Variants in PIM1 observed in about 807,000 individuals in gnomAD.
PIM1 encodes the protein serine/threonine-protein kinase pim-1.
Under a neutral mutation model 34.5 loss-of-function variants are expected in PIM1, and 9 were observed. The ratio of observed to expected loss-of-function variants is 0.26; its 90% CI spans 0.16 to 0.46. The LOEUF (loss-of-function observed/expected upper bound fraction) is 0.46. Ranked by LOEUF, PIM1 falls within the 20% of genes least tolerant of loss-of-function variation. The probability of loss-of-function intolerance (pLI) is 1.00; values close to 1 mark genes in which losing one functional copy is unlikely to be tolerated. For synonymous variants in PIM1, 199 were observed against 175.2 expected, an observed-to-expected ratio of 1.14 and a Z score of -1.07; for missense variants, 274 against 410.9, an observed-to-expected ratio of 0.67 and a Z score of 2.88.
Position 37,173,054 on chromosome 6 carries a change from G to C in PIM1, c.666G>C (p.Ser222=). 1 of 1,614,186 alleles carries C rather than the reference G, an allele frequency of 6.2e-7. No homozygotes were observed. Among genetic ancestry groups the C allele is most frequent in the South Asian group, 1.1e-5 (1 of 91,092 alleles). ...WIRYHRYHGR[S]AAVWSLGILL... is the part of the protein sequence containing the mutation. ...GCTACCATCGCTACCATGGCAGGTC[G>C]GCGGCAGTCTGGTCCCTGGGGATCC... The change falls in exon 5 of 6, where the codon TCG becomes TCC. Residue 222 remains serine (S), a synonymous_variant. Transcript: ENST00000373509.
Position 37,171,204 on chromosome 6 carries a change from T to C in PIM1, c.320T>C (p.Leu107Pro). ...SSGFSGVIRL[L>P]DWFERPDSFV... is the part of the protein sequence containing the mutation. ...GGTTTCTCCGGCGTCATTAGGCTCCTGGACTGGTTCGAGAGGCCCGACAGT... is the reference window on the plus strand; with the variant it reads ...GGTTTCTCCGGCGTCATTAGGCTCCCGGACTGGTTCGAGAGGCCCGACAGT... The change falls in exon 4 of 6, where the codon CTG becomes CCG. Residue 107 changes from leucine (L) to proline (P), a missense_variant. Physicochemically the swap from Leu to Pro is moderately conservative, Grantham distance 98. Transcript: ENST00000373509. 6.2e-7 allele frequency: 1 copy of C among 1,614,146 alleles called. No homozygotes were observed. Among genetic ancestry groups the C allele is most frequent in the Non-Finnish European group, 8.5e-7 (1 of 1,180,040 alleles).
chr6:37,170,180 C>G lies in PIM1; in HGVS notation c.-396C>G. 9.3e-7 allele frequency: 1 copy of G among 1,077,992 alleles called. No individual in the cohort carries two copies. Among genetic ancestry groups the G allele is most frequent in the Non-Finnish European group, 1.2e-6 (1 of 862,718 alleles). 66.8% of individuals were successfully genotyped at this position (1,077,992 alleles called of 1,614,324 possible). On this transcript the variant is annotated 5_prime_UTR_variant, in exon 1 of 6. Transcript: ENST00000373509. Reference sequence around the variant, plus strand: ...CCTGGCTGCGGGGCGAGCCGGGCGTCTGCTGCAGCGGCCGCGGTGGCTGAG... The same window carrying G: ...CCTGGCTGCGGGGCGAGCCGGGCGTGTGCTGCAGCGGCCGCGGTGGCTGAG...
Position 37,174,011 on chromosome 6 carries a change from C to T in PIM1, c.862C>T (p.Pro288Ser), listed in dbSNP as rs750431197. The T allele has an allele frequency of 6.2e-7, 1 of 1,614,118 alleles. No individual in the cohort carries two copies. Among genetic ancestry groups the T allele is most frequent in the South Asian group, 1.1e-5 (1 of 91,082 alleles). Residue 288 changes from proline (P) to serine (S), a missense_variant, in exon 6 of 6, where the codon CCA becomes TCA. Pro to Ser is a moderately conservative substitution (Grantham distance 74). This residue lies in a region of PIM1 where 168 missense variants were observed against 299.4 expected (regional missense o/e 0.56). Coordinates refer to ENST00000373509, the MANE Select transcript of PIM1 (RefSeq NM_002648.4). ...RPTFEEIQNH[P>S]WMQDVLLPQE... ...AACCTTCGAAGAAATCCAGAACCATCCATGGATGCAAGATGTTCTCCTGCC... is the reference window on the plus strand; with the variant it reads ...AACCTTCGAAGAAATCCAGAACCATTCATGGATGCAAGATGTTCTCCTGCC...
chr6:37,174,440 G>T lies in PIM1; in HGVS notation c.*349G>T. The stretch of plus-strand genomic sequence containing the variant: ...TCCTTCATCATGAGTTCTGCTGAAT[G>T]CCGCGATGGGTCAGGTAGGGGGGAA... On this transcript the variant is annotated 3_prime_UTR_variant, in exon 6 of 6. Transcript: ENST00000373509. 1 of 270,874 alleles carries T rather than the reference G, an allele frequency of 3.7e-6. No homozygotes were observed. The allele number at this position is 270,874 out of a possible 1,614,324, so 16.8% of individuals were successfully genotyped here.
chr6:37,171,619 G>A, intron 4 of PIM1, 128 bp downstream of exon 4: 1 of 1,165,938 alleles, frequency 8.6e-7, no homozygotes, highest in Non-Finnish European at 1.2e-6. Flanking sequence ...GATGCTAGCC[G>A]GGGTGGGACG....
chr6:37,172,460 A>C, intron 4 of PIM1: 1 of 393,116 alleles, frequency 2.5e-6, no homozygotes, highest in African/African-American at 2.1e-5. Context: ...CTACCTTTCC[A>C]GTCTAGGGAG....
At position 37,170,195 on chromosome 6, in the gene PIM1, C is replaced by T. The variant is rs1210295333; in HGVS notation, c.-381C>T. Reference sequence around the variant, plus strand: ...AGCCGGGCGTCTGCTGCAGCGGCCGCGGTGGCTGAGGAGGCCCGAGAGGAG... The same window carrying T: ...AGCCGGGCGTCTGCTGCAGCGGCCGTGGTGGCTGAGGAGGCCCGAGAGGAG... On this transcript the variant is annotated 5_prime_UTR_variant, in exon 1 of 6. Transcript: ENST00000373509. The T allele has an allele frequency of 1.2e-5, 14 of 1,152,188 alleles. No individual in the cohort carries two copies. Among genetic ancestry groups the T allele is most frequent in the South Asian group, 2.2e-5 (1 of 44,504 alleles). 71.4% of individuals were successfully genotyped at this position (1,152,188 alleles called of 1,614,324 possible).
At chr6:37,170,956 C>A in intron 2 of PIM1, 25 bp from the exon 3 acceptor site, 4 of 1,613,900 alleles carry the variant, frequency 2.5e-6, no homozygotes, top group Non-Finnish European at 3.4e-6. Flanking sequence ...GACGAGGGAA[C>A]CTGACGGAGA....
chr6:37,170,708 C>T (rs772040557), intron 1 of PIM1, 51 bp downstream of exon 1: 9 of 1,605,954 alleles, frequency 5.6e-6, no homozygotes, highest in Non-Finnish European at 7.6e-6. Context: ...GCGGCGGGAT[C>T]TCCTGGGTGG....
Position 37,170,187 on chromosome 6 carries a change from A to C in PIM1, c.-389A>C. On this transcript the variant is annotated 5_prime_UTR_variant, in exon 1 of 6. Transcript: ENST00000373509. ...GCGGGGCGAGCCGGGCGTCTGCTGC[A>C]GCGGCCGCGGTGGCTGAGGAGGCCC... The C allele has an allele frequency of 9.1e-7, 1 of 1,098,860 alleles. No homozygotes were observed. Among genetic ancestry groups the C allele is most frequent in the East Asian group, 5.1e-5 (1 of 19,592 alleles). 68.1% of individuals were successfully genotyped at this position (1,098,860 alleles called of 1,614,324 possible). A position where few individuals can be genotyped will look rare whatever the true frequency, so the allele number is the denominator to read the frequency against.
intron 4 of PIM1, 56 bp downstream of exon 4, chr6:37,171,547 C>T (rs1762286521): frequency 9.6e-6 from 15 of 1,567,970 alleles, no homozygotes; most frequent in Non-Finnish European, 1.3e-5. Flanking sequence ...CCGGCCCAGT[C>T]CGGAGGCCTC....
chr6:37,170,616 C>T lies in PIM1; in HGVS notation c.41C>T (p.Ala14Val), dbSNP rs1762257051. The T allele has an allele frequency of 3.1e-6, 5 of 1,612,828 alleles. No homozygotes were observed. In the South Asian group the frequency reaches 5.5e-5, roughly 18 times the overall value. ...SKINSLAHLR[A>V]APCNDLHATK... ...ATCAACTCGCTTGCCCACCTGCGCG[C>T]CGCGCCCTGCAACGACCTGCACGCC... Residue 14 changes from alanine (A) to valine (V), a missense_variant, in exon 1 of 6, where the codon GCC becomes GTC. By Grantham distance (64) the Ala-to-Val change is moderately conservative. This residue lies in a region of PIM1 where 106 missense variants were observed against 111.5 expected (regional missense o/e 0.95). Transcript: ENST00000373509.
rs1195598330 is a variant in PIM1 at position 37,174,984 on chromosome 6, A to G, written c.*893A>G. 1.3e-5 allele frequency: 3 copies of G among 233,552 alleles called. No individual in the cohort carries two copies. The highest frequency in any genetic ancestry group is 4.4e-5 in the African/African-American group (2 of 45,326). 14.5% of individuals were successfully genotyped at this position (233,552 alleles called of 1,614,324 possible). A position where few individuals can be genotyped will look rare whatever the true frequency, so the allele number is the denominator to read the frequency against. On this transcript the variant is annotated 3_prime_UTR_variant, in exon 6 of 6. Transcript: ENST00000373509. Reference sequence around the variant, plus strand: ...GATGCGCATTCTAACCTGGAGGTCAATGTTATGTATTTATTTATTTATTTA... The same window carrying G: ...GATGCGCATTCTAACCTGGAGGTCAGTGTTATGTATTTATTTATTTATTTA...
chr6:37,170,204 A>C lies in PIM1; in HGVS notation c.-372A>C, dbSNP rs1257386685. Reference sequence around the variant, plus strand: ...TCTGCTGCAGCGGCCGCGGTGGCTGAGGAGGCCCGAGAGGAGTCGGTGGCA... The same window carrying C: ...TCTGCTGCAGCGGCCGCGGTGGCTGCGGAGGCCCGAGAGGAGTCGGTGGCA... On this transcript the variant is annotated 5_prime_UTR_variant, in exon 1 of 6. Transcript: ENST00000373509. The C allele has an allele frequency of 1.0e-5, 12 of 1,182,576 alleles. No homozygotes were observed. Among genetic ancestry groups the C allele is most frequent in the Non-Finnish European group, 1.3e-5 (12 of 947,918 alleles). 73.3% of individuals were successfully genotyped at this position (1,182,576 alleles called of 1,614,324 possible). A position where few individuals can be genotyped will look rare whatever the true frequency, so the allele number is the denominator to read the frequency against.
rs890101257 is a variant in PIM1, at chr6:37,172,312, C to T, written c.608-684C>T. On this transcript the variant is annotated intron_variant, in intron 4 of 5. Coordinates refer to ENST00000373509, the MANE Select transcript of PIM1 (RefSeq NM_002648.4). ...TTGTATTTAACAGTTAATGGCTGGC[C>T]GGGTCCTCCCATGTTTTTTCTTTCA... Among the ~76,000 whole-genome samples the T allele has an allele frequency of 5.3e-5, 8 of 152,242 alleles. No homozygotes were observed. The East Asian group carries it at 1.2e-3, about 22-fold the overall frequency.
At chr6:37,173,219 G>T in intron 5 of PIM1, 47 bp downstream of exon 5, 1 of 1,553,008 alleles carries the variant, frequency 6.4e-7, no homozygotes, top group Non-Finnish European at 8.9e-7. Context: ...TCTTAATGGG[G>T]CTATTAGTCT....
chr6:37,170,493 A>AT lies in PIM1; in HGVS notation c.-82dup. ...CACAGCCACAGCCACAGCCCCAGGC[A>AT]TAGCCTTCGGCACAGCCCCGGCTCC... is the stretch of plus-strand genomic sequence containing the variant. On this transcript the variant is annotated 5_prime_UTR_variant, in exon 1 of 6. Coordinates refer to ENST00000373509, the MANE Select transcript of PIM1 (RefSeq NM_002648.4). 6.3e-7 allele frequency: 1 copy of AT among 1,592,132 alleles called. No homozygotes were observed. Among genetic ancestry groups the AT allele is most frequent in the Non-Finnish European group, 8.5e-7 (1 of 1,173,092 alleles).
Position 37,170,189 on chromosome 6 carries a change from C to T in PIM1, c.-387C>T. 2 of 1,124,594 alleles carry T rather than the reference C, an allele frequency of 1.8e-6. No individual in the cohort carries two copies. Among genetic ancestry groups the T allele is most frequent in the Non-Finnish European group, 2.2e-6 (2 of 902,244 alleles). The allele number at this position is 1,124,594 out of a possible 1,614,324, so 69.7% of individuals were successfully genotyped here. A position where few individuals can be genotyped will look rare whatever the true frequency, so the allele number is the denominator to read the frequency against. Reference sequence around the variant, plus strand: ...GGGGCGAGCCGGGCGTCTGCTGCAGCGGCCGCGGTGGCTGAGGAGGCCCGA... The same window carrying T: ...GGGGCGAGCCGGGCGTCTGCTGCAGTGGCCGCGGTGGCTGAGGAGGCCCGA... On this transcript the variant is annotated 5_prime_UTR_variant, in exon 1 of 6. Transcript: ENST00000373509.
intron 4 of PIM1, 148 bp from the exon 5 acceptor site, chr6:37,172,848 T>A (rs1233605516): frequency 1.3e-6 from 1 of 754,046 alleles, no homozygotes; most frequent in Non-Finnish European, 2.3e-6. Flanking sequence ...CCACTCTCCT[T>A]AGCCCAGAGG....
Sources: gnomAD v4.1 joint callset for allele counts (sites outside exome capture counted in the v4.1 genomes callset) on GRCh38, gnomAD v4.1.1 for gene constraint, gnomAD v4.1.1 regional missense constraint, MANE v1.5 for transcripts, NCBI Gene and HGNC (gene_info 2026-07-23, HGNC 2026-07-21) for gene names.